Variants in BCAS3 observed in about 807,000 individuals in gnomAD.
BCAS3 encodes BCAS3 microtubule associated cell migration factor.
In BCAS3, 53 loss-of-function variants were observed where a neutral mutation model predicts 116.1. That is an observed-to-expected ratio of 0.46 (90% confidence interval 0.37 to 0.57). The LOEUF (loss-of-function observed/expected upper bound fraction) is 0.57, where lower values mean the gene tolerates loss of function less well. BCAS3 is among the 20% of genes least tolerant of loss of function. The pLI is 0.00. For synonymous variants in BCAS3, 391 were observed against 408.2 expected (o/e 0.96, Z 0.51); for missense variants, 917 against 1,165.4 (o/e 0.79, Z 3.10).
chr17:60,825,944 G>A (rs995243570), intron 7 of BCAS3, among the ~76,000 whole-genome samples: 6 of 144,924 alleles, frequency 4.1e-5, no homozygotes, highest in Non-Finnish European at 6.0e-5. Context: ...TGTAACCTCC[G>A]CCTCCCAGGT....
chr17:61,184,679 C>T (rs2204928), intron 22 of BCAS3, among the ~76,000 whole-genome samples: 92,474 of 152,012 alleles, frequency 0.61, 33,598 homozygotes, highest in South Asian at 0.86. Context: ...CAGCTTCATT[C>T]GCAATAGCCA....
intron 6 of BCAS3, among the ~76,000 whole-genome samples, chr17:60,760,262 C>T (rs7503390): frequency 0.82 from 125,347 of 152,116 alleles, 53,251 homozygotes; most frequent in South Asian, 0.99. Flanking sequence ...TCCTTTCTCT[C>T]CCTTATTTGT....
chr17:61,117,251 G>T (rs960860232), intron 22 of BCAS3, among the ~76,000 whole-genome samples: 1 of 152,192 alleles, frequency 6.6e-6, no homozygotes, highest in East Asian at 1.9e-4. Context: ...GTTACTGAAC[G>T]CATCCACTTA....
At chr17:61,269,585 C>T (rs1193058546) in intron 22 of BCAS3, among the ~76,000 whole-genome samples, 1 of 152,126 alleles carries the variant, frequency 6.6e-6, no homozygotes, top group Non-Finnish European at 1.5e-5. Context: ...CACATCCTTA[C>T]CAGCACTTGT....
rs2081018734 is a variant in BCAS3, at chr17:61,204,542, T to C, written c.2425+119978T>C. On this transcript the variant is annotated intron_variant, in intron 22 of 23. Transcript: ENST00000407086. The surrounding 1 kb of genome is among the most constrained non-coding windows in gnomAD (Gnocchi z 4.2). Reference sequence around the variant, plus strand: ...ATGTTAAAAATAACAAAATGTGTTGTTGCTTCATCATTGTAACTTTCTTAA... The same window carrying C: ...ATGTTAAAAATAACAAAATGTGTTGCTGCTTCATCATTGTAACTTTCTTAA... Among the ~76,000 whole-genome samples, 1 of 152,230 alleles carries C rather than the reference T, an allele frequency of 6.6e-6. No individual in the cohort carries two copies. The highest frequency in any genetic ancestry group is 2.1e-4 in the South Asian group (1 of 4,834).
chr17:60,857,736 T>C (rs1340765893), intron 7 of BCAS3, among the ~76,000 whole-genome samples: 1 of 152,186 alleles, frequency 6.6e-6, no homozygotes, highest in African/African-American at 2.4e-5. Context: ...AACTGTGTTA[T>C]TGGCAGGAAA....
chr17:60,688,439 A>G (rs1288201304), intron 3 of BCAS3, among the ~76,000 whole-genome samples: 1 of 151,990 alleles, frequency 6.6e-6, no homozygotes, highest in Non-Finnish European at 1.5e-5. Context: ...AGCTGGGACT[A>G]CAGGTGCATG....
At chr17:61,018,731 G>A (rs1017440500) in intron 16 of BCAS3, among the ~76,000 whole-genome samples, 2 of 152,084 alleles carry the variant, frequency 1.3e-5, no homozygotes, top group African/African-American at 4.8e-5. Flanking sequence ...CGTTTTTGCA[G>A]CCTTAATATA....
chr17:61,043,752 C>G (rs969354285), intron 19 of BCAS3, among the ~76,000 whole-genome samples: 2 of 152,008 alleles, frequency 1.3e-5, no homozygotes, highest in African/African-American at 4.8e-5. Flanking sequence ...GATATAGGCT[C>G]TGTCCACCCA....
intron 22 of BCAS3, among the ~76,000 whole-genome samples, chr17:61,169,150 T>C (rs1157803902): frequency 6.6e-6 from 1 of 152,216 alleles, no homozygotes; most frequent in African/African-American, 2.4e-5. Flanking sequence ...AAAGATGTTT[T>C]CTCAACAGTT....
chr17:61,133,525 G>A (rs117885031), intron 22 of BCAS3, among the ~76,000 whole-genome samples: 102 of 152,262 alleles, frequency 6.7e-4, no homozygotes, highest in African/African-American at 2.1e-3. Context: ...GTAGAATTCC[G>A]TGCAAATTTC....
chr17:61,231,084 G>A (rs76712534), intron 22 of BCAS3, among the ~76,000 whole-genome samples: 1 of 150,922 alleles, frequency 6.6e-6, no homozygotes. Flanking sequence ...GATTATAGGT[G>A]TGAGCTGCTG....
At chr17:60,894,429 T>C (rs2057379030) in intron 10 of BCAS3, among the ~76,000 whole-genome samples, 1 of 152,218 alleles carries the variant, frequency 6.6e-6, no homozygotes, top group South Asian at 2.1e-4. Context: ...GCAACTTTAC[T>C]GAATCCGTTT....
chr17:60,889,162 G>GA (rs2056960826), intron 9 of BCAS3, among the ~76,000 whole-genome samples: 1 of 152,192 alleles, frequency 6.6e-6, no homozygotes, highest in Non-Finnish European at 1.5e-5. Context: ...AAATACAAAG[G>GA]ATTATGCAGT....
At chr17:60,724,907 A>G (rs754670279) in intron 5 of BCAS3, among the ~76,000 whole-genome samples, 3 of 151,722 alleles carry the variant, frequency 2.0e-5, no homozygotes, top group Non-Finnish European at 2.9e-5. Context: ...GCTGGAGTGC[A>G]GTGGTGCCAT....
At chr17:60,910,881 T>G (rs190173817) in intron 12 of BCAS3, among the ~76,000 whole-genome samples, 179 bp downstream of exon 12, 1 of 152,242 alleles carries the variant, frequency 6.6e-6, no homozygotes, top group African/African-American at 2.4e-5. Flanking sequence ...CCTGCTGTTT[T>G]GAACATTATT....
In BCAS3 at chr17:61,146,113, G is replaced by T. The variant is rs114975714; in HGVS notation, c.2425+61549G>T. On this transcript the variant is annotated intron_variant, in intron 22 of 23. Coordinates refer to ENST00000407086, the MANE Select transcript of BCAS3 (RefSeq NM_017679.5). ...TCACAAGGTTACTTACTGGTTTTTTGTTTTTTTTTTTTTGAGACAGTTTCA... is the reference window on the plus strand; with the variant it reads ...TCACAAGGTTACTTACTGGTTTTTTTTTTTTTTTTTTTTGAGACAGTTTCA... Among the ~76,000 whole-genome samples, 1,069 of 142,948 alleles carry T rather than the reference G, an allele frequency of 7.5e-3. 14 individuals are homozygous for T. Among genetic ancestry groups the T allele is most frequent in the African/African-American group, 0.019 (747 of 38,570 alleles). 93.8% of individuals were successfully genotyped at this position (142,948 alleles called of 152,430 possible). A position where few individuals can be genotyped will look rare whatever the true frequency, so the allele number is the denominator to read the frequency against.
Position 61,013,337 on chromosome 17 carries a change from A to T in BCAS3, c.1487-2414A>T, listed in dbSNP as rs1020453524. ...TTGTGAAATACATATGATGTACACA[A>T]TTCTTAATTTTCACCAGCTTGTGAC... On this transcript the variant is annotated intron_variant, in intron 15 of 23. Transcript: ENST00000407086. The surrounding 1 kb of genome is among the most constrained non-coding windows in gnomAD (Gnocchi z 4.4). 2.0e-5 allele frequency among the ~76,000 whole-genome samples: 3 copies of T among 152,142 alleles called. No individual in the cohort carries two copies. The highest frequency in any genetic ancestry group is 7.2e-5 in the African/African-American group (3 of 41,452).
chr17:61,046,001 AATATATATATTTATATATATATT>A (rs2068188462), intron 19 of BCAS3, among the ~76,000 whole-genome samples: 5 of 9,344 alleles, frequency 5.4e-4, no homozygotes, highest in African/African-American at 4.0e-3. Context: ...ATATATATAT[AATATATATATTTATATATATATT>A]ATATATATAT....
Sources: gnomAD v4.1 joint callset for allele counts (sites outside exome capture counted in the v4.1 genomes callset) on GRCh38, gnomAD v4.1.1 for gene constraint, Gnocchi (gnomAD v3.1) non-coding constraint, MANE v1.5 for transcripts, NCBI Gene and HGNC (gene_info 2026-07-23, HGNC 2026-07-21) for gene names.